Variants in DLG2 observed in about 807,000 individuals in gnomAD.
DLG2 encodes the protein discs large MAGUK scaffold protein 2.
A neutral mutation model predicts 132.5 loss-of-function variants in DLG2; 45 were observed. The ratio of observed to expected loss-of-function variants is 0.34; its 90% CI spans 0.27 to 0.44. The LOEUF (loss-of-function observed/expected upper bound fraction) is 0.44. Ranked by LOEUF, DLG2 falls within the 20% of genes least tolerant of loss-of-function variation. The probability of loss-of-function intolerance (pLI) is 1.00; values close to 1 mark genes in which losing one functional copy is unlikely to be tolerated. For synonymous variants in DLG2, 424 were observed against 419.6 expected, an observed-to-expected ratio of 1.01 and a Z score of -0.13; for missense variants, 1,045 against 1,196.9, an observed-to-expected ratio of 0.87 and a Z score of 1.87.
intron 5 of DLG2, among the ~76,000 whole-genome samples, chr11:85,127,763 T>C (rs1016702593): frequency 1.3e-5 from 2 of 152,218 alleles, no homozygotes. Context: ...TTTCTCTACA[T>C]GAAGCTCTGG....
At chr11:84,963,449 G>A (rs1348448302) in intron 6 of DLG2, among the ~76,000 whole-genome samples, 1 of 139,310 alleles carries the variant, frequency 7.2e-6, no homozygotes, top group African/African-American at 2.8e-5. Context: ...CTGCCTCCTG[G>A]CTGTTTCAAT....
intron 18 of DLG2, among the ~76,000 whole-genome samples, chr11:83,657,534 CTTT>C (rs540422330): frequency 3.2e-5 from 3 of 93,398 alleles, no homozygotes; most frequent in African/African-American, 9.3e-5. Flanking sequence ...ATTGTCTATT[CTTT>C]TTTTTTTTTT....
intron 6 of DLG2, among the ~76,000 whole-genome samples, chr11:84,631,014 TCTCTCACACACACA>T (rs1332669051): frequency 1.6e-5 from 2 of 128,268 alleles, no homozygotes; most frequent in African/African-American, 3.3e-5. Context: ...TCTCTCTCTC[TCTCTCACACACACA>T]CACACACACA....
At chr11:84,296,212 A>G (rs1194680185) in intron 7 of DLG2, among the ~76,000 whole-genome samples, 1 of 152,108 alleles carries the variant, frequency 6.6e-6, no homozygotes, top group African/African-American at 2.4e-5. Context: ...TTTTTTCAAA[A>G]TTCCTCTTAG....
chr11:85,385,522 A>G (rs1313335187), intron 3 of DLG2, among the ~76,000 whole-genome samples: 1 of 152,232 alleles, frequency 6.6e-6, no homozygotes, highest in Non-Finnish European at 1.5e-5. Flanking sequence ...AAGTGGGGAA[A>G]TTCCAATCTA....
At chr11:85,406,620 T>C (rs924239388) in intron 3 of DLG2, among the ~76,000 whole-genome samples, 23 of 151,808 alleles carry the variant, frequency 1.5e-4, no homozygotes, top group Non-Finnish European at 1.0e-4. Flanking sequence ...GAAAAACTAT[T>C]TGATATAAAG....
chr11:85,000,992 G>A (rs1373592285), intron 6 of DLG2, among the ~76,000 whole-genome samples: 1 of 152,020 alleles, frequency 6.6e-6, no homozygotes, highest in African/African-American at 2.4e-5. Flanking sequence ...GGCCAATCTG[G>A]TTTAATAGAA....
chr11:83,913,644 G>T (rs1347313576), intron 15 of DLG2, among the ~76,000 whole-genome samples: 1 of 152,166 alleles, frequency 6.6e-6, no homozygotes, highest in Non-Finnish European at 1.5e-5. Flanking sequence ...CTTATTAACA[G>T]TTACTCATGT....
chr11:84,737,443 G>T (rs1346097717), intron 6 of DLG2, among the ~76,000 whole-genome samples: 1 of 151,760 alleles, frequency 6.6e-6, no homozygotes, highest in Admixed American at 6.6e-5. Flanking sequence ...TTCTTTAAAT[G>T]TTTGGAAGAA....
intron 6 of DLG2, among the ~76,000 whole-genome samples, chr11:84,544,835 C>T (rs1433455313): frequency 6.6e-6 from 1 of 152,176 alleles, no homozygotes; most frequent in African/African-American, 2.4e-5. Flanking sequence ...GTAACAACAA[C>T]AGCCACAACC....
chr11:84,257,679 ATTTTTTTTTTT>A (rs1172548999), intron 7 of DLG2, among the ~76,000 whole-genome samples: 1 of 105,916 alleles, frequency 9.4e-6, no homozygotes, highest in Non-Finnish European at 1.9e-5. Flanking sequence ...TTATCTCTGG[ATTTTTTTTTTT>A]TTTTTTTTTT....
intron 6 of DLG2, among the ~76,000 whole-genome samples, chr11:84,785,744 T>C (rs1283302546): frequency 6.6e-6 from 1 of 152,092 alleles, no homozygotes; most frequent in Non-Finnish European, 1.5e-5. Context: ...TCTAAACATT[T>C]TTATTATGTT....
At chr11:84,242,842 T>C (rs1478014351) in intron 8 of DLG2, among the ~76,000 whole-genome samples, 1 of 152,180 alleles carries the variant, frequency 6.6e-6, no homozygotes, top group African/African-American at 2.4e-5. Context: ...TTAAGAGCCA[T>C]GAGAACAGGG....
chr11:85,154,782 T>C, intron 4 of DLG2, 131 bp from the exon 5 acceptor site: 1 of 551,514 alleles, frequency 1.8e-6, no homozygotes, highest in Non-Finnish European at 3.1e-6. Flanking sequence ...ATTTCAATTT[T>C]AGCATATGAA....
chr11:85,150,550 T>TA (rs1300228134), intron 5 of DLG2, among the ~76,000 whole-genome samples: 9 of 152,170 alleles, frequency 5.9e-5, no homozygotes, highest in African/African-American at 1.9e-4. Context: ...ACTTTGTTTT[T>TA]ATCAGTCTGC....
Position 83,875,378 on chromosome 11 carries a change from C to A in DLG2, c.1497-890G>T, listed in dbSNP as rs145680831. On this transcript the variant is annotated intron_variant, in intron 15 of 27. Transcript: ENST00000376104. ...ATAAATGTATGAGGTATGTCCCATT[C>A]AACAGATGAAGAAATTGAGATACAG... 5.6e-3 allele frequency among the ~76,000 whole-genome samples: 856 copies of A among 152,166 alleles called. 7 individuals carry two copies. The highest frequency in any genetic ancestry group is 0.02 in the African/African-American group (811 of 41,536).
At chr11:84,610,591 TG>T (rs1394491784) in intron 6 of DLG2, among the ~76,000 whole-genome samples, 4 of 152,056 alleles carry the variant, frequency 2.6e-5, no homozygotes, top group Non-Finnish European at 5.9e-5. Context: ...AAGCCAATGG[TG>T]GAAGCCTGAA....
chr11:84,307,974 A>G (rs1357981566), intron 7 of DLG2, among the ~76,000 whole-genome samples: 1 of 152,108 alleles, frequency 6.6e-6, no homozygotes. Context: ...TTCTGCGGTG[A>G]GTGTTACAGC....
intron 6 of DLG2, among the ~76,000 whole-genome samples, chr11:84,651,207 C>T (rs1022601406): frequency 6.6e-6 from 1 of 151,974 alleles, no homozygotes; most frequent in African/African-American, 2.4e-5. Flanking sequence ...CCTTCATCTC[C>T]CCTTTAAACA....
Sources: allele counts gnomAD v4.1 joint callset (sites outside exome capture counted in the v4.1 genomes callset), GRCh38; gene constraint gnomAD v4.1.1; transcripts MANE v1.5; gene names NCBI Gene and HGNC (gene_info 2026-07-23, HGNC 2026-07-21).